The following JAML variants were observed in gnomAD, a reference collection of about 807,000 sequenced individuals.
JAML encodes junction adhesion molecule like, also known as junctional adhesion molecule-like.
A neutral mutation model predicts 39.3 loss-of-function variants in JAML; 25 were observed. That is an observed-to-expected ratio of 0.64 (90% CI 0.46 to 0.89). JAML has a LOEUF of 0.89. JAML is among the 40% of genes least tolerant of loss of function. JAML has a pLI of 0.00. For missense variants in JAML, 440 were observed against 486.9 expected, an observed-to-expected ratio of 0.90 and a Z score of 0.91; for synonymous variants, 162 against 179.2, an observed-to-expected ratio of 0.90 and a Z score of 0.77.
At chr11:118,202,494 G>A (rs1948823838) in intron 6 of JAML, 1 of 170,136 alleles carries the variant, frequency 5.9e-6, no homozygotes. Context: ...GGCCAGATAA[G>A]CCCAGAGCAG....
intron 4 of JAML, chr11:118,209,227 A>G (rs1948991225): frequency 9.2e-6 from 2 of 217,908 alleles, no homozygotes; most frequent in Non-Finnish European, 9.3e-6. Context: ...AACTTTCTAA[A>G]TGACTCGGGC....
intron 5 of JAML, 29 bp from the exon 6 acceptor site, chr11:118,203,694 T>C (rs201750560): frequency 1.5e-4 from 241 of 1,573,002 alleles, no homozygotes; most frequent in African/African-American, 1.3e-3. Context: ...AAGTATGATA[T>C]TGTGAGGACT....
chr11:118,196,459 C>G (rs560298717), intron 9 of JAML, among the ~76,000 whole-genome samples: 32 of 152,224 alleles, frequency 2.1e-4, no homozygotes, highest in Admixed American at 3.3e-4. Flanking sequence ...ACTGATGAGG[C>G]AAAAGACGTC....
intron 6 of JAML, 103 bp downstream of exon 6, chr11:118,203,324 TC>T: frequency 9.9e-7 from 1 of 1,014,620 alleles, no homozygotes; most frequent in Non-Finnish European, 1.5e-6. Flanking sequence ...GAGGGATGCC[TC>T]CTTCAATTTT....
At chr11:118,218,020 T>C (rs545145766) in intron 1 of JAML, among the ~76,000 whole-genome samples, 2 of 152,352 alleles carry the variant, frequency 1.3e-5, no homozygotes, top group East Asian at 3.9e-4. Flanking sequence ...CTCGCTCACA[T>C]CTCAAGTTAA....
chr11:118,197,010 G>C, intron 8 of JAML, 189 bp from the exon 9 acceptor site: 1 of 548,636 alleles, frequency 1.8e-6, no homozygotes, highest in Non-Finnish European at 3.3e-6. Context: ...AACTGTCAAA[G>C]AACACAGTCT....
intron 2 of JAML, among the ~76,000 whole-genome samples, chr11:118,214,382 C>T (rs1949113208): frequency 6.6e-6 from 1 of 152,116 alleles, no homozygotes; most frequent in Admixed American, 6.5e-5. Context: ...CAAAGGAAAC[C>T]ACCATAAATT....
Position 118,217,889 on chromosome 11 carries a change from C to A in JAML, c.-20-3003G>T, listed in dbSNP as rs1457638698. Reference sequence around the variant, plus strand: ...CTTCCTCCACATTTGAGAAAGTAATCAATATTTTAGAGCAAAGCTTTTCTG... The same window carrying A: ...CTTCCTCCACATTTGAGAAAGTAATAAATATTTTAGAGCAAAGCTTTTCTG... On this transcript the variant is annotated intron_variant, in intron 1 of 9. Coordinates refer to ENST00000356289, the MANE Select transcript of JAML (RefSeq NM_001098526.2). Among the ~76,000 whole-genome samples, 4 of 152,330 alleles carry A rather than the reference C, an allele frequency of 2.6e-5. No homozygotes were observed. The East Asian group carries it at 7.7e-4, about 29-fold the overall frequency.
rs1025207779 is a variant in JAML at position 118,194,041 on chromosome 11, T to C, written c.*284A>G. On this transcript the variant is annotated 3_prime_UTR_variant, in exon 10 of 10. Transcript: ENST00000356289. ...GAACCCTGCCCACAGGAGGGTCTGA[T>C]CCAACGGGGGGTTTGAGGCCACTCA... 1.3e-5 allele frequency: 5 copies of C among 373,620 alleles called. No homozygotes were observed. The highest frequency in any genetic ancestry group is 2.5e-5 in the Non-Finnish European group (5 of 197,912). 23.1% of individuals were successfully genotyped at this position (373,620 alleles called of 1,614,324 possible). A position where few individuals can be genotyped will look rare whatever the true frequency, so the allele number is the denominator to read the frequency against.
At chr11:118,199,610 G>C (rs1948732173) in intron 7 of JAML, among the ~76,000 whole-genome samples, 1 of 152,010 alleles carries the variant, frequency 6.6e-6, no homozygotes, top group Non-Finnish European at 1.5e-5. Flanking sequence ...AAGTGTCCCT[G>C]TTGGAGCATC....
At chr11:118,202,837 G>A (rs2134651772) in intron 6 of JAML, 1 of 408,218 alleles carries the variant, frequency 2.4e-6, no homozygotes. Flanking sequence ...ACTGGGTTAT[G>A]GTTTAACTTT....
Position 118,198,078 on chromosome 11 carries a change from T to A in JAML, c.925A>T (p.Thr309Ser). 1 of 1,613,954 alleles carries A rather than the reference T, an allele frequency of 6.2e-7. No homozygotes were observed. Among genetic ancestry groups the A allele is most frequent in the Non-Finnish European group, 8.5e-7 (1 of 1,179,818 alleles). ...TTCTTCGTGTTCTTCACCAAGACTG[T>A]AGAATTCACTGAACTGCAAGACATG... ...TCGNKSSVNSTVLVKNTKKTN... is the reference protein window; with the variant it reads ...TCGNKSSVNSSVLVKNTKKTN... The change falls in exon 8 of 10, where the codon ACA becomes TCA. Residue 309 changes from threonine (T) to serine (S), a missense_variant. By Grantham distance (58) the Thr-to-Ser change is moderately conservative (BLOSUM62 1). Transcript: ENST00000356289.
At chr11:118,218,152 G>T (rs1793184) in intron 1 of JAML, among the ~76,000 whole-genome samples, 13,791 of 152,168 alleles carry the variant, frequency 0.091, 2,096 homozygotes, top group African/African-American at 0.31. Context: ...GGAGTGCAAT[G>T]GCACGATCTC....
At chr11:118,208,194 G>A (rs1948960329) in intron 4 of JAML, among the ~76,000 whole-genome samples, 1 of 151,032 alleles carries the variant, frequency 6.6e-6, no homozygotes, top group African/African-American at 2.4e-5. Context: ...TCATACCACT[G>A]CAACTCCAGA....
rs619250 is a variant in JAML at position 118,193,867 on chromosome 11, A to T, written c.*458T>A. The T allele has an allele frequency of 0.57, 99,823 of 173,946 alleles. 28,955 individuals carry two copies. Among genetic ancestry groups the T allele is most frequent in the South Asian group, 0.74 (5,716 of 7,682 alleles). The allele number at this position is 173,946 out of a possible 1,614,324, so 10.8% of individuals were successfully genotyped here. On this transcript the variant is annotated 3_prime_UTR_variant, in exon 10 of 10. Coordinates refer to ENST00000356289, the MANE Select transcript of JAML (RefSeq NM_001098526.2). ...GTTTTTCCAAAAGTTTCTAACTGTA[A>T]ATTCCTCACCAGGACTTTACTTGCC...
chr11:118,216,833 C>G (rs1205772484), intron 1 of JAML, among the ~76,000 whole-genome samples: 1 of 152,160 alleles, frequency 6.6e-6, no homozygotes, highest in Non-Finnish European at 1.5e-5. Flanking sequence ...ACAAAAGAAC[C>G]TCTAGTGAAA....
At chr11:118,206,051 T>C in intron 4 of JAML, 60 bp from the exon 5 acceptor site, 2 of 1,448,878 alleles carry the variant, frequency 1.4e-6, no homozygotes, top group Non-Finnish European at 1.9e-6. Flanking sequence ...AGTCAAAGAA[T>C]TTCTAGAAGA....
At chr11:118,214,140 CA>C (rs1949109365) in intron 2 of JAML, among the ~76,000 whole-genome samples, 1 of 152,148 alleles carries the variant, frequency 6.6e-6, no homozygotes, top group Admixed American at 6.5e-5. Flanking sequence ...GAACTACATC[CA>C]TGGGATAAAG....
In JAML at chr11:118,210,650, G is replaced by A. The variant is rs141951648; in HGVS notation, c.261C>T (p.Arg87=). The change falls in exon 4 of 10, where the codon CGC becomes CGT. Residue 87 remains arginine (R), a synonymous_variant. Coordinates refer to ENST00000356289, the MANE Select transcript of JAML (RefSeq NM_001098526.2). ...ATAAGATGTCCCCCATCAAGTGTAC[G>A]CGGTTCTGGAAGCGCCCAATAGGCA... ...LSVPIGRFQN[R]VHLMGDILCN... is the part of the protein sequence containing the mutation. 5.7e-5 allele frequency: 92 copies of A among 1,614,170 alleles called. No homozygotes were observed. In the African/African-American group the frequency reaches 7.3e-4, roughly 13 times the overall value.
Sources: gnomAD v4.1 joint callset for allele counts (sites outside exome capture counted in the v4.1 genomes callset) on GRCh38, gnomAD v4.1.1 for gene constraint, MANE v1.5 for transcripts, NCBI Gene and HGNC (gene_info 2026-07-23, HGNC 2026-07-21) for gene names.